Variants in RPSA2 observed in about 807,000 individuals in gnomAD.
The protein encoded by RPSA2 is small ribosomal subunit protein uS2B.
At chr19:23,828,736 G>T in the RPSA2 span, among the ~76,000 whole-genome samples, 1 of 151,702 alleles carries the variant, frequency 6.6e-6, no homozygotes, top group South Asian at 2.1e-4. Context: ...ATGTTGTTGA[G>T]GAGTGTTCTC....
At chr19:23,859,607 A>G in the RPSA2 span, among the ~76,000 whole-genome samples, 1 of 130,894 alleles carries the variant, frequency 7.6e-6, no homozygotes, top group Non-Finnish European at 1.6e-5. Context: ...AGCCTGGGCA[A>G]CAATAACAAA....
the RPSA2 span, among the ~76,000 whole-genome samples, chr19:23,810,254 C>T: frequency 5.9e-5 from 9 of 151,768 alleles, no homozygotes; most frequent in Non-Finnish European, 1.0e-4. Context: ...ATTAGCCGGG[C>T]GTGGTGGCAG....
the RPSA2 span, among the ~76,000 whole-genome samples, chr19:23,841,447 G>A: frequency 1.5e-4 from 23 of 152,232 alleles, no homozygotes; most frequent in Admixed American, 2.6e-4. Context: ...CTGGGCGACA[G>A]AGCCAGACTC....
the RPSA2 span, among the ~76,000 whole-genome samples, chr19:23,842,123 A>G: frequency 6.6e-6 from 1 of 152,202 alleles, no homozygotes; most frequent in Non-Finnish European, 1.5e-5. Flanking sequence ...GTCTCATCCC[A>G]CATCCCTTGA....
the RPSA2 span, among the ~76,000 whole-genome samples, chr19:23,829,954 A>C: frequency 6.6e-6 from 1 of 151,964 alleles, no homozygotes. Context: ...TTTTTGAATC[A>C]TGTTATTTTC....
chr19:23,834,782 G>T, the RPSA2 span, among the ~76,000 whole-genome samples: 1 of 152,102 alleles, frequency 6.6e-6, no homozygotes, highest in Non-Finnish European at 1.5e-5. Context: ...CAAGGGTGTA[G>T]GTAACAATAC....
At chr19:23,810,828 C>T in the RPSA2 span, among the ~76,000 whole-genome samples, 1 of 152,062 alleles carries the variant, frequency 6.6e-6, no homozygotes, top group African/African-American at 2.4e-5. Context: ...AGAGTAAGTT[C>T]AGAATTCTCA....
the RPSA2 span, among the ~76,000 whole-genome samples, chr19:23,866,278 G>C: frequency 6.6e-6 from 1 of 152,212 alleles, no homozygotes; most frequent in Admixed American, 6.5e-5. Flanking sequence ...ATGCAGTGCA[G>C]CATCAGATCA....
the RPSA2 span, among the ~76,000 whole-genome samples, chr19:23,788,397 G>C: frequency 1.3e-5 from 2 of 152,144 alleles, no homozygotes; most frequent in East Asian, 1.9e-4. Context: ...TTTAGGTGAT[G>C]TGACTTCCTC....
chr19:23,843,738 T>C, the RPSA2 span, among the ~76,000 whole-genome samples: 1 of 152,150 alleles, frequency 6.6e-6, no homozygotes, highest in Non-Finnish European at 1.5e-5. Flanking sequence ...TTATCTATAT[T>C]GTCTTGTCTT....
At chr19:23,829,295 C>CTTAT in the RPSA2 span, among the ~76,000 whole-genome samples, 3 of 151,832 alleles carry the variant, frequency 2.0e-5, no homozygotes, top group Admixed American at 6.6e-5. Context: ...TATGCTTTCG[C>CTTAT]TTATTTATTT....
the RPSA2 span, among the ~76,000 whole-genome samples, chr19:23,829,353 T>C: frequency 6.6e-6 from 1 of 152,186 alleles, no homozygotes; most frequent in Non-Finnish European, 1.5e-5. Context: ...CATGCTGGAG[T>C]GCAATGGCAT....
the RPSA2 span, among the ~76,000 whole-genome samples, chr19:23,865,628 T>G: frequency 6.6e-6 from 1 of 152,164 alleles, no homozygotes; most frequent in Admixed American, 6.5e-5. Context: ...ATTGGCCATT[T>G]GCTAAGCAGA....
At chr19:23,848,761 AT>A in the RPSA2 span, among the ~76,000 whole-genome samples, 1 of 152,224 alleles carries the variant, frequency 6.6e-6, no homozygotes. Context: ...TAAATCATTC[AT>A]TTGGTGAACT....
the RPSA2 span, among the ~76,000 whole-genome samples, chr19:23,855,320 T>G: frequency 3.3e-5 from 5 of 152,164 alleles, no homozygotes; most frequent in Non-Finnish European, 5.9e-5. Flanking sequence ...TGCCAAAATG[T>G]CCCAGTCTAA....
At chr19:23,836,980 A>G in the RPSA2 span, among the ~76,000 whole-genome samples, 63,244 of 151,832 alleles carry the variant, frequency 0.42, 13,585 homozygotes, top group South Asian at 0.58. Context: ...AAAGCTTTTT[A>G]GTTTAATTAG....
the RPSA2 span, among the ~76,000 whole-genome samples, chr19:23,773,004 G>A: frequency 1.3e-5 from 2 of 152,050 alleles, no homozygotes; most frequent in East Asian, 1.9e-4. Flanking sequence ...TGTACTAGCC[G>A]GGTTGCATTG....
the RPSA2 span, among the ~76,000 whole-genome samples, chr19:23,848,764 T>C: frequency 6.6e-6 from 1 of 152,230 alleles, no homozygotes; most frequent in Non-Finnish European, 1.5e-5. Context: ...ATCATTCATT[T>C]GGTGAACTAA....
chr19:23,856,407 C>T, the RPSA2 span, among the ~76,000 whole-genome samples: 3 of 152,100 alleles, frequency 2.0e-5, no homozygotes, highest in African/African-American at 7.2e-5. Flanking sequence ...AAACTCCTCC[C>T]TGTTTTAACA....
Sources: gnomAD v4.1 joint callset for allele counts (sites outside exome capture counted in the v4.1 genomes callset) on GRCh38, gnomAD v4.1.1 for gene constraint, MANE v1.5 for transcripts, NCBI Gene and HGNC (gene_info 2026-07-23, HGNC 2026-07-21) for gene names.